The following PRKN variants were observed in gnomAD, a reference collection of about 807,000 sequenced individuals.
PRKN encodes the protein E3 ubiquitin-protein ligase parkin.
Under a neutral mutation model 59.5 loss-of-function variants are expected in PRKN, and 56 were observed. That is an observed-to-expected ratio of 0.94 (90% CI 0.76 to 1.18). The LOEUF is 1.18. Ranked by LOEUF, PRKN falls within the 50% of genes most tolerant of loss-of-function variation. The pLI is 0.00. For synonymous variants in PRKN, 250 were observed against 222.1 expected (o/e 1.13, Z -1.12); for missense variants, 657 against 596.4 (o/e 1.10, Z -1.06).
At chr6:161,709,723 T>C (rs1478587321) in intron 7 of PRKN, among the ~76,000 whole-genome samples, 1 of 152,198 alleles carries the variant, frequency 6.6e-6, no homozygotes, top group Non-Finnish European at 1.5e-5. Flanking sequence ...GCTGTCTCCA[T>C]TAAATCTCAA....
rs1220568164 is a variant in PRKN, at chr6:161,460,901, C to G, written c.1084-74024G>C. Among the ~76,000 whole-genome samples, 1 of 151,914 alleles carries G rather than the reference C, an allele frequency of 6.6e-6. No homozygotes were observed. Among genetic ancestry groups the G allele is most frequent in the Admixed American group, 6.6e-5 (1 of 15,250 alleles). On this transcript the variant is annotated intron_variant, in intron 9 of 11. Transcript: ENST00000366898. The surrounding 1 kb of genome is among the most constrained non-coding windows in gnomAD (Gnocchi z 5.0). Reference sequence around the variant, plus strand: ...AGTAGCTGGGACTACAGGTACGCACCACCACGCCCAGCTAATTTTTCTTTC... The same window carrying G: ...AGTAGCTGGGACTACAGGTACGCACGACCACGCCCAGCTAATTTTTCTTTC...
chr6:162,390,425 A>G (rs992063103), intron 2 of PRKN, among the ~76,000 whole-genome samples: 4 of 141,492 alleles, frequency 2.8e-5, no homozygotes, highest in African/African-American at 1.1e-4. Flanking sequence ...ACACACACAC[A>G]CACCTTATAT....
At position 161,680,781 on chromosome 6, in the gene PRKN, T is replaced by TTTGTTTTTG. The variant is rs1554292303; in HGVS notation, c.871+104990_871+104991insCAAAAACAA. ...TATATATATATATATATATATTTTT[T>TTTGTTTTTG]TTTTTTTTTCTTTTCCTAAAACAAC... is the stretch of plus-strand genomic sequence containing the variant. On this transcript the variant is annotated intron_variant, in intron 7 of 11. Transcript: ENST00000366898. 3.3e-3 allele frequency among the ~76,000 whole-genome samples: 310 copies of TTTGTTTTTG among 93,714 alleles called. 11 individuals carry two copies. The highest frequency in any genetic ancestry group is 5.9e-3 in the South Asian group (16 of 2,706). 61.5% of individuals were successfully genotyped at this position (93,714 alleles called of 152,430 possible).
At chr6:162,233,634 T>C in intron 3 of PRKN, among the ~76,000 whole-genome samples, 1 of 152,218 alleles carries the variant, frequency 6.6e-6, no homozygotes, top group East Asian at 1.9e-4. Context: ...GCCATTTTAT[T>C]GAATACACTC....
chr6:162,027,039 T>C (rs1783462711), intron 5 of PRKN, among the ~76,000 whole-genome samples: 1 of 152,170 alleles, frequency 6.6e-6, no homozygotes, highest in African/African-American at 2.4e-5. Context: ...TAAGCAATTT[T>C]GCCTGTGGTC....
intron 7 of PRKN, among the ~76,000 whole-genome samples, chr6:161,586,858 T>A (rs936334110): frequency 6.6e-6 from 1 of 152,200 alleles, no homozygotes; most frequent in African/African-American, 2.4e-5. Flanking sequence ...TGATTCTGAA[T>A]CCAGAGCAAC....
intron 4 of PRKN, among the ~76,000 whole-genome samples, chr6:162,200,192 G>A (rs1391034440): frequency 1.3e-5 from 2 of 152,072 alleles, no homozygotes; most frequent in Admixed American, 6.5e-5. Flanking sequence ...TGACACCCCC[G>A]TGTCTGTGTT....
intron 4 of PRKN, among the ~76,000 whole-genome samples, chr6:162,155,103 T>A (rs1023995162): frequency 7.4e-6 from 1 of 135,816 alleles, no homozygotes; most frequent in Non-Finnish European, 1.7e-5. Context: ...AAATAAAACC[T>A]AAAAAAAAAA....
At chr6:162,006,410 A>G (rs1286530248) in intron 5 of PRKN, among the ~76,000 whole-genome samples, 1 of 152,188 alleles carries the variant, frequency 6.6e-6, no homozygotes, top group East Asian at 1.9e-4. Context: ...TTAACATTCC[A>G]CATTGTAAAC....
intron 5 of PRKN, among the ~76,000 whole-genome samples, chr6:162,042,901 C>T (rs1784118740): frequency 6.6e-6 from 1 of 152,016 alleles, no homozygotes; most frequent in Admixed American, 6.6e-5. Context: ...TTTTATAAGG[C>T]AGGTAAGAAA....
chr6:161,759,690 T>A (rs1223548622), intron 7 of PRKN, among the ~76,000 whole-genome samples: 1 of 152,230 alleles, frequency 6.6e-6, no homozygotes, highest in East Asian at 1.9e-4. Context: ...TTCACTTAAT[T>A]GCTAGATCCT....
At position 162,715,869 on chromosome 6, in the gene PRKN, G is replaced by A. The variant is rs138275399; in HGVS notation, c.7+11793C>T. Among the ~76,000 whole-genome samples the A allele has an allele frequency of 1.1e-3, 175 of 152,228 alleles. 2 individuals carry two copies. The highest frequency in any genetic ancestry group is 3.9e-3 in the African/African-American group (160 of 41,530). On this transcript the variant is annotated intron_variant, in intron 1 of 11. Transcript: ENST00000366898. ...TGGGGCCAGCCTCTCTGTTTCAAAC[G>A]CGCTTTCTTTCTTGGCCTGCTCAGG...
intron 2 of PRKN, among the ~76,000 whole-genome samples, chr6:162,356,394 A>G (rs1342529812): frequency 6.6e-6 from 1 of 151,888 alleles, no homozygotes; most frequent in Non-Finnish European, 1.5e-5. Flanking sequence ...AGAAATGACT[A>G]CAGTGTTCCA....
At chr6:162,296,389 A>G (rs1781679708) in intron 2 of PRKN, among the ~76,000 whole-genome samples, 1 of 151,980 alleles carries the variant, frequency 6.6e-6, no homozygotes, top group South Asian at 2.1e-4. Flanking sequence ...TCTTGCTTTT[A>G]TGTGAGTCTG....
chr6:161,761,830 G>A (rs1789215002), intron 7 of PRKN, among the ~76,000 whole-genome samples: 1 of 152,192 alleles, frequency 6.6e-6, no homozygotes, highest in Non-Finnish European at 1.5e-5. Context: ...AACAAGATTT[G>A]AAGGTTTTTC....
At chr6:162,616,041 G>A (rs766918065) in intron 1 of PRKN, among the ~76,000 whole-genome samples, 3 of 152,114 alleles carry the variant, frequency 2.0e-5, no homozygotes, top group Non-Finnish European at 4.4e-5. Flanking sequence ...AAAACCATGA[G>A]CTGTCACCCA....
intron 5 of PRKN, among the ~76,000 whole-genome samples, chr6:162,002,746 T>G (rs553694690): frequency 1.3e-5 from 2 of 152,258 alleles, no homozygotes; most frequent in Non-Finnish European, 1.5e-5. Context: ...TAGGTCTTTT[T>G]CTCTTCTAAT....
chr6:161,607,835 G>A (rs1782339465), intron 7 of PRKN, among the ~76,000 whole-genome samples: 1 of 152,214 alleles, frequency 6.6e-6, no homozygotes, highest in Admixed American at 6.5e-5. Flanking sequence ...CAATGAATGA[G>A]GAAGGCCTGA....
intron 1 of PRKN, among the ~76,000 whole-genome samples, chr6:162,517,222 G>A (rs549353026): frequency 1.3e-5 from 2 of 151,476 alleles, no homozygotes. Flanking sequence ...GGGGTGGGGT[G>A]GGGGAGGGCT....
Sources: gnomAD v4.1 joint callset for allele counts (sites outside exome capture counted in the v4.1 genomes callset) on GRCh38, gnomAD v4.1.1 for gene constraint, Gnocchi (gnomAD v3.1) non-coding constraint, MANE v1.5 for transcripts, NCBI Gene and HGNC (gene_info 2026-07-23, HGNC 2026-07-21) for gene names.